Variants in CNOT1 observed in about 807,000 individuals in gnomAD.
CNOT1 encodes CCR4-associated factor 1.
CNOT1 carries 15 observed loss-of-function variants against 273.8 expected under a neutral mutation model. The ratio of observed to expected loss-of-function variants is 0.05; its 90% CI spans 0.04 to 0.08. The LOEUF is 0.08. Among genes scored for constraint, CNOT1 ranks in the 10% least tolerant of loss-of-function variants. CNOT1 has a pLI of 1.00. For missense variants in CNOT1, 1,644 were observed against 2,912.2 expected, an observed-to-expected ratio of 0.56 and a Z score of 10.02; for synonymous variants, 1,022 against 1,005.5, an observed-to-expected ratio of 1.02 and a Z score of -0.31.
chr16:58,581,615 C>A, intron 10 of CNOT1, 100 bp from the exon 11 acceptor site: 1 of 1,423,392 alleles, frequency 7.0e-7, no homozygotes. Context: ...TTTAGATGTT[C>A]TACTTACAAA....
In CNOT1 at chr16:58,534,408, C is replaced by A. The variant is rs780934487; in HGVS notation, c.5647-13G>T. ...CTTGCTGGTGCATCTACAACAGGAA[C>A]AAAAAATAAAGACACAATGAGGTAA... On this transcript the variant is annotated splice_polypyrimidine_tract_variant and intron_variant, in intron 39 of 48. Transcript: ENST00000317147. 1 of 1,608,692 alleles carries A rather than the reference C, an allele frequency of 6.2e-7. No homozygotes were observed. Among genetic ancestry groups the A allele is most frequent in the African/African-American group, 1.3e-5 (1 of 74,774 alleles).
At chr16:58,538,686 G>T in intron 36 of CNOT1, 86 bp downstream of exon 36, 2 of 1,548,878 alleles carry the variant, frequency 1.3e-6, no homozygotes, top group Non-Finnish European at 1.7e-6. Context: ...TAGAAAAAAG[G>T]GAAACCCCTG....
Position 58,586,666 on chromosome 16 carries a change from G to A in CNOT1, c.516C>T (p.Gly172=). ...GGACCTCTATTGCTATATCTTGGAAGCCACCTTCTTGATTTCCACTGACGT... is the reference window on the plus strand; with the variant it reads ...GGACCTCTATTGCTATATCTTGGAAACCACCTTCTTGATTTCCACTGACGT... ...DADVSGNQEG[G]FQDIAIEVLH... is the part of the protein sequence containing the mutation. Residue 172 remains glycine (G), a synonymous_variant, in exon 7 of 49, where the codon GGC becomes GGT. Coordinates refer to ENST00000317147, the MANE Select transcript of CNOT1 (RefSeq NM_016284.5). 6.2e-7 allele frequency: 1 copy of A among 1,613,326 alleles called. No individual in the cohort carries two copies. Among genetic ancestry groups the A allele is most frequent in the African/African-American group, 1.3e-5 (1 of 74,920 alleles).
chr16:58,556,565 A>C (rs2040639668), intron 19 of CNOT1, among the ~76,000 whole-genome samples: 1 of 152,242 alleles, frequency 6.6e-6, no homozygotes, highest in African/African-American at 2.4e-5. Context: ...GTTTAGGTTA[A>C]GTTCAAGAGT....
rs2039675846 is a variant in CNOT1 at position 58,528,466 on chromosome 16, G to C, written c.6453+9C>G. The C allele has an allele frequency of 3.1e-6, 5 of 1,604,556 alleles. No individual in the cohort carries two copies. In the African/African-American group the frequency reaches 6.7e-5, roughly 22 times the overall value. On this transcript the variant is annotated intron_variant, in intron 44 of 48. Transcript: ENST00000317147. ...ACATAAGTTTTCCTTTAACTAGTTG[G>C]AACCTTACCTTTAGATTAGGAGTGA...
intron 22 of CNOT1, 95 bp from the exon 23 acceptor site, chr16:58,551,914 T>C: frequency 2.0e-6 from 3 of 1,514,098 alleles, no homozygotes; most frequent in Non-Finnish European, 2.7e-6. Context: ...CATGTCTGAG[T>C]GCTCTTTTGG....
In CNOT1 at chr16:58,608,388, T is replaced by C. The variant is rs143050957; in HGVS notation, c.-174-8877A>G. ...GGCCAACATAGTGAAACCCTGCCTCTACTAAAAATACAAAAAATTAGCCAG... is the reference window on the plus strand; with the variant it reads ...GGCCAACATAGTGAAACCCTGCCTCCACTAAAAATACAAAAAATTAGCCAG... On this transcript the variant is annotated intron_variant, in intron 1 of 48. Transcript: ENST00000317147. Among the ~76,000 whole-genome samples, 1,105 of 151,922 alleles carry C rather than the reference T, an allele frequency of 7.3e-3. 10 individuals carry two copies. Among genetic ancestry groups the C allele is most frequent in the East Asian group, 0.012 (63 of 5,160 alleles).
intron 40 of CNOT1, chr16:58,532,606 C>T (rs2039805387): frequency 1.3e-6 from 1 of 790,722 alleles, no homozygotes; most frequent in Non-Finnish European, 1.9e-6. Context: ...TGCATTTCAA[C>T]ATCCTTGGAC....
At chr16:58,565,888 C>G (rs533513369) in intron 16 of CNOT1, among the ~76,000 whole-genome samples, 1 of 150,778 alleles carries the variant, frequency 6.6e-6, no homozygotes. Flanking sequence ...TGTAGTGAGC[C>G]GAGTTCGCAC....
chr16:58,602,553 C>CAAAAAAAAA (rs60230860), intron 1 of CNOT1, among the ~76,000 whole-genome samples: 2 of 57,968 alleles, frequency 3.5e-5, no homozygotes, highest in African/African-American at 8.2e-5. Context: ...ACTCTGTCTC[C>CAAAAAAAAA]AAAAAAAAAA....
In CNOT1 at chr16:58,626,795, T is replaced by C. The variant is rs140168908; in HGVS notation, c.-175+2933A>G. Among the ~76,000 whole-genome samples, 603 of 152,132 alleles carry C rather than the reference T, an allele frequency of 4.0e-3. 7 individuals carry two copies. Among genetic ancestry groups the C allele is most frequent in the East Asian group, 0.011 (59 of 5,182 alleles). Reference sequence around the variant, plus strand: ...AGGCAGACTACTATTTTTGTTAATGTGGGACAAAATACTCATAACAAATAT... The same window carrying C: ...AGGCAGACTACTATTTTTGTTAATGCGGGACAAAATACTCATAACAAATAT... On this transcript the variant is annotated intron_variant, in intron 1 of 48. Coordinates refer to ENST00000317147, the MANE Select transcript of CNOT1 (RefSeq NM_016284.5).
intron 17 of CNOT1, chr16:58,559,912 C>G (rs1455799192): frequency 1.4e-6 from 1 of 694,932 alleles, no homozygotes; most frequent in African/African-American, 1.8e-5. Flanking sequence ...CAAGACACAT[C>G]AGGTTCAAAG....
At chr16:58,590,607 A>C (rs983754979) in intron 2 of CNOT1, among the ~76,000 whole-genome samples, 1 of 152,028 alleles carries the variant, frequency 6.6e-6, no homozygotes, top group African/African-American at 2.4e-5. Flanking sequence ...AAAAAAAAAA[A>C]ATAGAACAGA....
Position 58,539,803 on chromosome 16 carries a change from G to C in CNOT1, c.4957C>G (p.Arg1653Gly). 3 of 1,613,994 alleles carry C rather than the reference G, an allele frequency of 1.9e-6. No individual in the cohort carries two copies. The highest frequency in any genetic ancestry group is 2.5e-6 in the Non-Finnish European group (3 of 1,179,950). The change falls in exon 35 of 49, where the codon CGG (arginine) becomes GGG (glycine). Residue 1653 changes from arginine (R) to glycine (G), a missense_variant. Coordinates refer to ENST00000317147, the MANE Select transcript of CNOT1 (RefSeq NM_016284.5). The stretch of plus-strand genomic sequence containing the variant: ...AATCCAAGAGCAGCTATGGCATCCC[G>C]AGAGTTTCGAGATAAAACTACAACC... ...LEVVVLSRNS[R>G]DAIAALGLLQ...
intron 2 of CNOT1, among the ~76,000 whole-genome samples, chr16:58,595,481 A>G (rs1308804176): frequency 1.3e-5 from 2 of 151,988 alleles, no homozygotes; most frequent in Non-Finnish European, 2.9e-5. Flanking sequence ...CCTTACCAAA[A>G]AGCAACCCCT....
chr16:58,546,540 C>A (rs752864834), intron 28 of CNOT1, 42 bp from the exon 29 acceptor site: 1 of 1,600,594 alleles, frequency 6.2e-7, no homozygotes, highest in East Asian at 2.2e-5. Flanking sequence ...TAAAAGAAAA[C>A]TTTAGTTTTA....
chr16:58,590,340 CATG>C (rs1336677570), intron 2 of CNOT1, among the ~76,000 whole-genome samples: 7 of 152,198 alleles, frequency 4.6e-5, no homozygotes, highest in Non-Finnish European at 1.0e-4. Flanking sequence ...CCCACTATAT[CATG>C]ATAATAACAT....
At chr16:58,585,621 A>G in intron 7 of CNOT1, 115 bp from the exon 8 acceptor site, 1 of 1,440,984 alleles carries the variant, frequency 6.9e-7, no homozygotes, top group South Asian at 1.6e-5. Context: ...TTCAAAGCCA[A>G]GCTTATTTCA....
At chr16:58,542,109 A>T in intron 33 of CNOT1, 122 bp downstream of exon 33, 1 of 1,196,272 alleles carries the variant, frequency 8.4e-7, no homozygotes, top group South Asian at 1.5e-5. Context: ...TATCAAGTTA[A>T]GATGTTTTCT....
Sources: gnomAD v4.1 joint callset for allele counts (sites outside exome capture counted in the v4.1 genomes callset) on GRCh38, gnomAD v4.1.1 for gene constraint, MANE v1.5 for transcripts, NCBI Gene and HGNC (gene_info 2026-07-23, HGNC 2026-07-21) for gene names.